The following TBXAS1 variants were observed in gnomAD, a reference collection of about 807,000 sequenced individuals.
TBXAS1 encodes thromboxane A synthase 1, also known as thromboxane-A synthase.
Under a neutral mutation model 60.7 loss-of-function variants are expected in TBXAS1, and 48 were observed. That is an observed-to-expected ratio of 0.79 (90% CI 0.63 to 1.01). The LOEUF is 1.01. Ranked by LOEUF, TBXAS1 falls within the 50% of genes least tolerant of loss-of-function variation. TBXAS1 has a pLI of 0.00. For synonymous variants in TBXAS1, 287 were observed against 269.7 expected (o/e 1.06, Z -0.63); for missense variants, 685 against 686.3 (o/e 1.00, Z 0.02).
chr7:139,975,622 C>T lies in TBXAS1; in HGVS notation c.1134+13389C>T, dbSNP rs577811745. 3.3e-5 allele frequency among the ~76,000 whole-genome samples: 5 copies of T among 152,268 alleles called. No individual in the cohort carries two copies. Among genetic ancestry groups the T allele is most frequent in the East Asian group, 3.9e-4 (2 of 5,160 alleles). ...CAGGAGGACAGGGCAGCCCTGTCCT[C>T]GCCACAGTGCCCGCATCTTCATTGG... On this transcript the variant is annotated intron_variant, in intron 9 of 12. Coordinates refer to ENST00000448866, the MANE Select transcript of TBXAS1 (RefSeq NM_001061.7). This position sits in a 1 kb window ranked among gnomAD's most constrained non-coding sequence, Gnocchi z 4.4.
At position 139,796,554 on chromosome 7, in the gene TBXAS1, A is replaced by G. The variant is rs80127157; in HGVS notation, c.-80+9128A>G. Among the ~76,000 whole-genome samples, 344 of 152,362 alleles carry G rather than the reference A, an allele frequency of 2.3e-3. 5 individuals carry two copies. In the East Asian group the frequency reaches 0.058, roughly 25 times the overall value. On this transcript the variant is annotated intron_variant, in intron 4 of 16. Coordinates refer to the TBXAS1 transcript ENST00000336425. ...TGAAACTATCCTGTCTGGTACTGCAATGGTGGATGCATGTCATTAAACATT... is the reference window on the plus strand; with the variant it reads ...TGAAACTATCCTGTCTGGTACTGCAGTGGTGGATGCATGTCATTAAACATT...
rs139855454 is a variant in TBXAS1, at chr7:139,862,491, G to C, written c.90-9744G>C. 2.8e-4 allele frequency among the ~76,000 whole-genome samples: 43 copies of C among 152,208 alleles called. 1 individual carries two copies. The highest frequency in any genetic ancestry group is 6.3e-3 in the Middle Eastern group (2 of 316). ...TGGGTACAGAAGCTTAGTTGGAGTG[G>C]GGGGAGGAGAGACTAAGGGCACAGA... On this transcript the variant is annotated intron_variant, in intron 1 of 12. Coordinates refer to ENST00000448866, the MANE Select transcript of TBXAS1 (RefSeq NM_001061.7).
chr7:139,974,976 C>T (rs1811464718), intron 9 of TBXAS1, among the ~76,000 whole-genome samples: 1 of 152,200 alleles, frequency 6.6e-6, no homozygotes, highest in Non-Finnish European at 1.5e-5. Flanking sequence ...GAAAGACATT[C>T]ATTTTCAGGA....
At position 139,953,038 on chromosome 7, in the gene TBXAS1, G is replaced by A. The variant is rs140598946; in HGVS notation, c.451-330G>A. 5.0e-3 allele frequency among the ~76,000 whole-genome samples: 767 copies of A among 152,322 alleles called. 3 individuals carry two copies. The highest frequency in any genetic ancestry group is 0.017 in the African/African-American group (725 of 41,564). On this transcript the variant is annotated intron_variant, in intron 5 of 12. Coordinates refer to ENST00000448866, the MANE Select transcript of TBXAS1 (RefSeq NM_001061.7). The stretch of plus-strand genomic sequence containing the variant: ...ATTTACTTGCTAATGCTAACCAAAT[G>A]TCATGAAACTGAGTACTGATTCTCA...
intron 4 of TBXAS1, among the ~76,000 whole-genome samples, chr7:139,806,588 G>A (rs932762502): frequency 2.0e-5 from 3 of 152,032 alleles, no homozygotes; most frequent in African/African-American, 4.8e-5. Context: ...ATTTTTAGGA[G>A]TTTCTAGGAG....
chr7:139,802,526 T>A (rs1199898915), intron 4 of TBXAS1, among the ~76,000 whole-genome samples: 1 of 152,230 alleles, frequency 6.6e-6, no homozygotes, highest in East Asian at 1.9e-4. Flanking sequence ...GGCTCATGCC[T>A]GTAATTCCAG....
chr7:139,984,929 AAAGAAAG>A (rs1812324155), intron 9 of TBXAS1, among the ~76,000 whole-genome samples: 1 of 81,128 alleles, frequency 1.2e-5, no homozygotes, highest in African/African-American at 5.7e-5. Flanking sequence ...AGAAGGAAAG[AAAGAAAG>A]AAAGAAAAGA....
At chr7:139,917,299 CCTT>C (rs1806075771) in intron 4 of TBXAS1, among the ~76,000 whole-genome samples, 1 of 152,164 alleles carries the variant, frequency 6.6e-6, no homozygotes, top group African/African-American at 2.4e-5. Context: ...ACCTCCGTCT[CCTT>C]CTCTGCCGCA....
intron 4 of TBXAS1, among the ~76,000 whole-genome samples, chr7:139,924,448 C>CTT (rs905260915): frequency 1.4e-5 from 2 of 147,378 alleles, no homozygotes; most frequent in Non-Finnish European, 1.5e-5. Flanking sequence ...ATTTGTATGT[C>CTT]TTTTTTTTTT....
At chr7:139,843,830 ATG>A (rs148420424) in intron 1 of TBXAS1, among the ~76,000 whole-genome samples, 29 of 150,804 alleles carry the variant, frequency 1.9e-4, no homozygotes, top group South Asian at 6.3e-4. Flanking sequence ...TACTGTGACA[ATG>A]TGTGTGTGTG....
At chr7:139,972,393 G>T (rs1468223604) in intron 9 of TBXAS1, among the ~76,000 whole-genome samples, 1 of 152,190 alleles carries the variant, frequency 6.6e-6, no homozygotes, top group African/African-American at 2.4e-5. Context: ...CAGCTCCACA[G>T]GTGAAGCTCA....
intron 1 of TBXAS1, among the ~76,000 whole-genome samples, chr7:139,860,196 C>A (rs929371720): frequency 2.0e-5 from 3 of 152,080 alleles, no homozygotes; most frequent in African/African-American, 7.2e-5. Context: ...GTAGGGCTAC[C>A]AAAGCCTGGT....
intron 3 of TBXAS1, among the ~76,000 whole-genome samples, chr7:139,879,876 GTGTTT>G (rs1282671422): frequency 1.4e-5 from 2 of 141,880 alleles, no homozygotes; most frequent in East Asian, 2.0e-4. Context: ...GTGTGTGTGT[GTGTTT>G]TGTTTTGTTT....
At chr7:139,812,060 GA>G (rs1392249651) in intron 4 of TBXAS1, among the ~76,000 whole-genome samples, 3 of 152,206 alleles carry the variant, frequency 2.0e-5, no homozygotes, top group African/African-American at 7.2e-5. Flanking sequence ...CCATGCCATG[GA>G]ACAGTCTTCC....
intron 1 of TBXAS1, among the ~76,000 whole-genome samples, chr7:139,863,368 T>G (rs1211566059): frequency 6.6e-6 from 1 of 152,036 alleles, no homozygotes; most frequent in African/African-American, 2.4e-5. Context: ...TAGTCTTCTA[T>G]TTTTTTTCCA....
upstream of TBXAS1, among the ~76,000 whole-genome samples, chr7:139,826,966 T>A (rs1254438040): frequency 1.3e-5 from 2 of 152,160 alleles, no homozygotes; most frequent in African/African-American, 2.4e-5. Flanking sequence ...TAGCTCAAGT[T>A]TGGAACCTGA....
intron 9 of TBXAS1, among the ~76,000 whole-genome samples, chr7:139,970,080 G>A (rs1046265008): frequency 6.6e-6 from 1 of 152,162 alleles, no homozygotes; most frequent in Non-Finnish European, 1.5e-5. Flanking sequence ...TCTGGGACGA[G>A]CCTGAGGGTC....
chr7:139,798,530 C>G (rs1459579694), intron 4 of TBXAS1, among the ~76,000 whole-genome samples: 1 of 152,188 alleles, frequency 6.6e-6, no homozygotes, highest in African/African-American at 2.4e-5. Flanking sequence ...AAATAGTGAT[C>G]TGTGTCAGTT....
At chr7:139,986,755 ATGTGTGTGTGTGTGTG>A (rs72102720) in intron 9 of TBXAS1, among the ~76,000 whole-genome samples, 2 of 79,746 alleles carry the variant, frequency 2.5e-5, no homozygotes, top group Admixed American at 1.7e-4. Context: ...ATATATATAT[ATGTGTGTGTGTGTGTG>A]TGTGTGTGTG....
Sources: gnomAD v4.1 joint callset for allele counts (sites outside exome capture counted in the v4.1 genomes callset) on GRCh38, gnomAD v4.1.1 for gene constraint, Gnocchi (gnomAD v3.1) non-coding constraint, MANE v1.5 for transcripts, NCBI Gene and HGNC (gene_info 2026-07-23, HGNC 2026-07-21) for gene names.